Variants in CMIP observed in about 807,000 individuals in gnomAD.
The protein encoded by CMIP is c-Maf inducing protein, also known as C-Maf-inducing protein.
A neutral mutation model predicts 97.3 loss-of-function variants in CMIP; 13 were observed. The observed-to-expected ratio is 0.13, with a 90% CI of 0.09 to 0.21. The LOEUF (loss-of-function observed/expected upper bound fraction) is 0.21. Ranked by LOEUF, CMIP falls within the 10% of genes least tolerant of loss-of-function variation. The probability of loss-of-function intolerance (pLI) is 1.00; values close to 1 mark genes in which losing one functional copy is unlikely to be tolerated. For synonymous variants in CMIP, 538 were observed against 436.3 expected (o/e 1.23, Z -2.91); for missense variants, 847 against 1,024.9 (o/e 0.83, Z 2.37).
At chr16:81,555,211 T>C (rs142962590) in intron 1 of CMIP, among the ~76,000 whole-genome samples, 1 of 152,326 alleles carries the variant, frequency 6.6e-6, no homozygotes, top group African/African-American at 2.4e-5. Flanking sequence ...GTCATTGTTA[T>C]AATAAGCAGC....
At chr16:81,675,103 C>A (rs557085168) in intron 9 of CMIP, among the ~76,000 whole-genome samples, 1 of 152,294 alleles carries the variant, frequency 6.6e-6, no homozygotes, top group Non-Finnish European at 1.5e-5. Context: ...CCTGGCTGTT[C>A]TCCAGGCAAG....
At chr16:81,571,223 C>T (rs1238287395) in intron 1 of CMIP, among the ~76,000 whole-genome samples, 1 of 152,034 alleles carries the variant, frequency 6.6e-6, no homozygotes, top group Non-Finnish European at 1.5e-5. Flanking sequence ...ACAATCCCAG[C>T]ATTTGGGAGG....
chr16:81,641,718 C>G (rs1250330856), intron 3 of CMIP, among the ~76,000 whole-genome samples: 1 of 152,216 alleles, frequency 6.6e-6, no homozygotes, highest in Non-Finnish European at 1.5e-5. Flanking sequence ...TTGCCCATCT[C>G]CCCAGGAGCT....
chr16:81,478,784 A>T (rs1281571579), intron 1 of CMIP, among the ~76,000 whole-genome samples: 1 of 152,144 alleles, frequency 6.6e-6, no homozygotes, highest in East Asian at 1.9e-4. Flanking sequence ...CCATATCCAG[A>T]GGCACTCAGG....
At chr16:81,599,337 T>G (rs1328305050) in intron 1 of CMIP, among the ~76,000 whole-genome samples, 1 of 152,156 alleles carries the variant, frequency 6.6e-6, no homozygotes, top group Non-Finnish European at 1.5e-5. Flanking sequence ...CCTTCTAGGA[T>G]CATATCGTTA....
chr16:81,452,696 C>T (rs1458518635), intron 1 of CMIP, among the ~76,000 whole-genome samples: 1 of 152,050 alleles, frequency 6.6e-6, no homozygotes, highest in Non-Finnish European at 1.5e-5. Context: ...AAGTGGCTTG[C>T]ACCTGGTACA....
intron 14 of CMIP, among the ~76,000 whole-genome samples, chr16:81,698,968 A>G (rs796405410): frequency 7.2e-5 from 11 of 152,322 alleles, no homozygotes; most frequent in African/African-American, 2.6e-4. Context: ...AAAACTAGCA[A>G]GGGCCGGGCA....
intron 3 of CMIP, among the ~76,000 whole-genome samples, chr16:81,647,673 TG>T (rs1363844687): frequency 6.6e-6 from 1 of 152,110 alleles, no homozygotes; most frequent in Non-Finnish European, 1.5e-5. Context: ...CCAGGGAGCC[TG>T]GAGCAGGGAT....
chr16:81,633,007 G>A (rs772085985), intron 3 of CMIP, among the ~76,000 whole-genome samples: 4 of 152,224 alleles, frequency 2.6e-5, no homozygotes, highest in Admixed American at 2.0e-4. Flanking sequence ...GGGGGGACCC[G>A]AGCGTTCGTG....
chr16:81,652,336 T>A lies in CMIP; in HGVS notation c.611T>A (p.Leu204Gln). The change falls in exon 4 of 21, where the codon CTG becomes CAG. Residue 204 changes from leucine to glutamine, a missense_variant. By Grantham distance (113) the Leu-to-Gln change is moderately radical (BLOSUM62 -2). Coordinates refer to ENST00000537098, the MANE Select transcript of CMIP (RefSeq NM_198390.3). This position sits in a 1 kb window ranked among gnomAD's most constrained non-coding sequence, Gnocchi z 5.2. ...GATGACTCCATCAACCAGGCCCCAC[T>A]GGAAATCGTCTCGAAACTGCTCTCA... ...LQDDSINQAP[L>Q]EIVSKLLSEN... 1 of 1,613,820 alleles carries A rather than the reference T, an allele frequency of 6.2e-7. No individual in the cohort carries two copies. The highest frequency in any genetic ancestry group is 8.5e-7 in the Non-Finnish European group (1 of 1,179,822).
chr16:81,656,000 C>G lies in CMIP; in HGVS notation c.640-1775C>G, dbSNP rs531245549. Among the ~76,000 whole-genome samples, 1 of 152,324 alleles carries G rather than the reference C, an allele frequency of 6.6e-6. No individual in the cohort carries two copies. The highest frequency in any genetic ancestry group is 1.9e-4 in the East Asian group (1 of 5,182). ...GCTTCTCCCCGAAGCTGAAAAATGA[C>G]TGATAGTTAATAATCTACCATAAAC... is the stretch of plus-strand genomic sequence containing the variant. On this transcript the variant is annotated intron_variant, in intron 4 of 20. Transcript: ENST00000537098. This position sits in a 1 kb window ranked among gnomAD's most constrained non-coding sequence, Gnocchi z 4.9.
At chr16:81,678,852 C>T (rs2151057520) in intron 10 of CMIP, among the ~76,000 whole-genome samples, 1 of 152,346 alleles carries the variant, frequency 6.6e-6, no homozygotes, top group South Asian at 2.1e-4. Context: ...GGGTGAGGCA[C>T]ATGTGGCTCT....
intron 10 of CMIP, 54 bp from the exon 11 acceptor site, chr16:81,691,721 C>A: frequency 6.6e-7 from 1 of 1,508,362 alleles, no homozygotes; most frequent in Non-Finnish European, 9.2e-7. Flanking sequence ...AAAAACAGTG[C>A]CATAAACCTT....
intron 11 of CMIP, 76 bp from the exon 12 acceptor site, chr16:81,693,082 G>T (rs1345386304): frequency 7.5e-6 from 8 of 1,067,998 alleles, no homozygotes; most frequent in Non-Finnish European, 1.2e-5. Context: ...GACGTCCCCA[G>T]AGGTTAATCT....
intron 14 of CMIP, chr16:81,697,684 C>T (rs1427888328): frequency 1.3e-5 from 2 of 152,268 alleles, no homozygotes; most frequent in Admixed American, 6.5e-5. Flanking sequence ...GAAATGACGC[C>T]GGTGGTGATT....
At chr16:81,460,975 G>A (rs1906864341) in intron 1 of CMIP, among the ~76,000 whole-genome samples, 1 of 152,194 alleles carries the variant, frequency 6.6e-6, no homozygotes, top group African/African-American at 2.4e-5. Context: ...GGAAACTGAG[G>A]CTTAGAGAGT....
rs1342472434 is a variant in CMIP, at chr16:81,614,941, G to T, written c.427-5935G>T. Among the ~76,000 whole-genome samples the T allele has an allele frequency of 1.4e-4, 21 of 151,072 alleles. 1 individual carries two copies. Among genetic ancestry groups the T allele is most frequent in the African/African-American group, 4.1e-4 (17 of 41,114 alleles). ...TGCATAGTGTGTATCTCTGTGTGTG[G>T]TGTGTGCATGTGTGTGGTGTGTTGT... On this transcript the variant is annotated intron_variant, in intron 2 of 20. Coordinates refer to ENST00000537098, the MANE Select transcript of CMIP (RefSeq NM_198390.3). The surrounding 1 kb of genome is among the most constrained non-coding windows in gnomAD (Gnocchi z 5.3).
intron 1 of CMIP, among the ~76,000 whole-genome samples, chr16:81,513,362 G>A (rs1175455804): frequency 6.6e-6 from 1 of 152,222 alleles, no homozygotes; most frequent in South Asian, 2.1e-4. Context: ...CAGCCAGCGC[G>A]GCTGGCCTGG....
rs141717317 is a variant in CMIP, at chr16:81,598,968, C to CAAAAAAAA, written c.301-8584_301-8577dup. On this transcript the variant is annotated intron_variant, in intron 1 of 20. Transcript: ENST00000537098. ...TGAGTGACAGAGCAAGACTCTGTCTCAAAAAAAAAAAAAAAAAAAAAAGAG... is the reference window on the plus strand; with the variant it reads ...TGAGTGACAGAGCAAGACTCTGTCTCAAAAAAAAAAAAAAAAAAAAAAAAAAAAAAGAG... 6.1e-3 allele frequency among the ~76,000 whole-genome samples: 305 copies of CAAAAAAAA among 49,788 alleles called. 21 individuals carry two copies. Among genetic ancestry groups the CAAAAAAAA allele is most frequent in the African/African-American group, 0.02 (244 of 12,496 alleles). 32.7% of individuals were successfully genotyped at this position (49,788 alleles called of 152,430 possible).
Sources: gnomAD v4.1 joint callset for allele counts (sites outside exome capture counted in the v4.1 genomes callset) on GRCh38, gnomAD v4.1.1 for gene constraint, Gnocchi (gnomAD v3.1) non-coding constraint, MANE v1.5 for transcripts, NCBI Gene and HGNC (gene_info 2026-07-23, HGNC 2026-07-21) for gene names.